The following WWOX variants were observed in gnomAD, a reference collection of about 807,000 sequenced individuals.
The protein encoded by WWOX is WW domain containing oxidoreductase, also known as WW domain-containing oxidoreductase.
A neutral mutation model predicts 46.2 loss-of-function variants in WWOX; 69 were observed. That is an observed-to-expected ratio of 1.49 (90% confidence interval 1.23 to 1.82). The LOEUF (loss-of-function observed/expected upper bound fraction) is 1.82. WWOX is among the 40% of genes most tolerant of loss of function. WWOX has a pLI of 0.00. For synonymous variants in WWOX, 359 were observed against 202.6 expected (o/e 1.77, Z -6.56); for missense variants, 919 against 542.6 (o/e 1.69, Z -6.89).
chr16:79,125,926 T>G (rs918829131), intron 8 of WWOX, among the ~76,000 whole-genome samples: 8 of 152,236 alleles, frequency 5.3e-5, no homozygotes, highest in Non-Finnish European at 1.0e-4. Flanking sequence ...TCCAGGAGAC[T>G]GTCATCTCTG....
chr16:78,851,583 G>C (rs944319663), intron 8 of WWOX, among the ~76,000 whole-genome samples: 2 of 152,204 alleles, frequency 1.3e-5, no homozygotes, highest in Admixed American at 6.5e-5. Context: ...TAGACGGTGA[G>C]GGACTTTATC....
chr16:79,097,634 C>T (rs2049103947), intron 8 of WWOX, among the ~76,000 whole-genome samples: 1 of 152,166 alleles, frequency 6.6e-6, no homozygotes, highest in South Asian at 2.1e-4. Context: ...CAACATCGTA[C>T]TCCAAAGGGG....
chr16:79,113,257 G>A (rs903676708), intron 8 of WWOX, among the ~76,000 whole-genome samples: 5 of 152,330 alleles, frequency 3.3e-5, no homozygotes, highest in Admixed American at 6.5e-5. Context: ...CCCAGGGTGC[G>A]TTAGGGAGCA....
In WWOX at chr16:78,784,503, C is replaced by T. The variant is rs7185302; in HGVS notation, c.1056+351751C>T. On this transcript the variant is annotated intron_variant, in intron 8 of 8. Coordinates refer to ENST00000566780, the MANE Select transcript of WWOX (RefSeq NM_016373.4). ...TAAGAGTACAGTCTCTGGAGCTAGG[C>T]TTGTGACTTTGAACAAATTATTTTA... 9.1e-3 allele frequency among the ~76,000 whole-genome samples: 1,384 copies of T among 152,116 alleles called. 12 individuals carry two copies. The highest frequency in any genetic ancestry group is 0.014 in the Middle Eastern group (4 of 294).
intron 8 of WWOX, among the ~76,000 whole-genome samples, chr16:78,875,207 A>C (rs891149459): frequency 1.7e-4 from 26 of 152,144 alleles, no homozygotes; most frequent in African/African-American, 5.8e-4. Flanking sequence ...TCTGAGGAAG[A>C]GCCAGCTCAA....
chr16:78,349,993 C>A (rs1264823084), intron 5 of WWOX, among the ~76,000 whole-genome samples: 1 of 121,444 alleles, frequency 8.2e-6, no homozygotes. Flanking sequence ...TTTGTACACT[C>A]TTAAGCCAAA....
chr16:78,229,505 T>TAG (rs1491195991), intron 5 of WWOX, among the ~76,000 whole-genome samples: 1 of 98,108 alleles, frequency 1.0e-5, no homozygotes, highest in African/African-American at 3.4e-5. Context: ...TTTATCTATA[T>TAG]CTATATAGAG....
chr16:78,502,975 C>A (rs960882128), intron 8 of WWOX, among the ~76,000 whole-genome samples: 1 of 152,202 alleles, frequency 6.6e-6, no homozygotes, highest in African/African-American at 2.4e-5. Flanking sequence ...GTGCTGCGAT[C>A]TTTGATTACT....
chr16:79,074,366 T>G (rs28609070), intron 8 of WWOX, among the ~76,000 whole-genome samples: 34,311 of 146,182 alleles, frequency 0.23, 4,708 homozygotes, highest in African/African-American at 0.38. Context: ...ACCACCGTTG[T>G]CACTCAAAGC....
At chr16:78,366,868 G>C (rs4888794) in intron 5 of WWOX, among the ~76,000 whole-genome samples, 140,080 of 151,896 alleles carry the variant, frequency 0.92, 64,919 homozygotes, top group African/African-American at 0.98. Flanking sequence ...CCTATCATAC[G>C]TGACTCAGTT....
At chr16:79,032,033 C>A (rs1183804039) in intron 8 of WWOX, among the ~76,000 whole-genome samples, 1 of 144,596 alleles carries the variant, frequency 6.9e-6, no homozygotes, top group Non-Finnish European at 1.5e-5. Context: ...GGACATTCTA[C>A]ACAGCTCCTG....
rs550729461 is a variant in WWOX, at chr16:78,457,301, C to T, written c.1056+24549C>T. On this transcript the variant is annotated intron_variant, in intron 8 of 8. Coordinates refer to ENST00000566780, the MANE Select transcript of WWOX (RefSeq NM_016373.4). ...TTCCATTGCACGACTTTAAATAAAG[C>T]AGCAAGAAGTCTTTTCATTCAGTTC... Among the ~76,000 whole-genome samples, 8 of 152,266 alleles carry T rather than the reference C, an allele frequency of 5.3e-5. No individual in the cohort carries two copies. The South Asian group carries it at 1.7e-3, about 32-fold the overall frequency.
chr16:78,669,528 G>C (rs969114650), intron 8 of WWOX, among the ~76,000 whole-genome samples: 2 of 152,212 alleles, frequency 1.3e-5, no homozygotes, highest in African/African-American at 2.4e-5. Context: ...CCATAGGACA[G>C]TACCTACCAC....
intron 8 of WWOX, among the ~76,000 whole-genome samples, chr16:78,819,721 A>G (rs1126343): frequency 0.32 from 48,867 of 152,118 alleles, 8,109 homozygotes; most frequent in Middle Eastern, 0.47. Context: ...CTAAGCCGCA[A>G]TTCTGGGGTT....
rs552327891 is a variant in WWOX, at chr16:78,969,270, T to A, written c.1057-242338T>A. On this transcript the variant is annotated intron_variant, in intron 8 of 8. Transcript: ENST00000566780. ...CCACCCTGCTCTCTCTCTCTCTCTCTTTTTTTTTTTTTCTTTTTGAGGAAG... is the reference window on the plus strand; with the variant it reads ...CCACCCTGCTCTCTCTCTCTCTCTCATTTTTTTTTTTTCTTTTTGAGGAAG... Among the ~76,000 whole-genome samples the A allele has an allele frequency of 1.5e-3, 92 of 60,254 alleles. 1 individual carries two copies. Among genetic ancestry groups the A allele is most frequent in the African/African-American group, 4.3e-3 (88 of 20,660 alleles). The allele number at this position is 60,254 out of a possible 152,430, so 39.5% of individuals were successfully genotyped here. A position where few individuals can be genotyped will look rare whatever the true frequency, so the allele number is the denominator to read the frequency against.
intron 6 of WWOX, among the ~76,000 whole-genome samples, chr16:78,405,761 C>G (rs1044996782): frequency 6.6e-6 from 1 of 152,126 alleles, no homozygotes; most frequent in Admixed American, 6.5e-5. Context: ...TTCTCTAATT[C>G]TTGTGGCTGT....
At chr16:79,084,328 C>T (rs546836661) in intron 8 of WWOX, among the ~76,000 whole-genome samples, 1 of 152,246 alleles carries the variant, frequency 6.6e-6, no homozygotes, top group East Asian at 1.9e-4. Flanking sequence ...CAATAAATCA[C>T]ACCAAAAATA....
In WWOX at chr16:78,846,919, C is replaced by T. The variant is rs538609622; in HGVS notation, c.1057-364689C>T. ...TTCTCCATTTATATTGGTATGGATA[C>T]GTGAATATTTAGTTTATTCTGTAGG... is the stretch of plus-strand genomic sequence containing the variant. On this transcript the variant is annotated intron_variant, in intron 8 of 8. Coordinates refer to ENST00000566780, the MANE Select transcript of WWOX (RefSeq NM_016373.4). Among the ~76,000 whole-genome samples, 4 of 152,234 alleles carry T rather than the reference C, an allele frequency of 2.6e-5. No homozygotes were observed. In the South Asian group the frequency reaches 8.3e-4, roughly 32 times the overall value.
intron 8 of WWOX, among the ~76,000 whole-genome samples, chr16:78,833,444 C>T (rs2051888202): frequency 6.6e-6 from 1 of 152,048 alleles, no homozygotes; most frequent in African/African-American, 2.4e-5. Flanking sequence ...CCTCCTCCTC[C>T]TCCTCCTGCT....
Sources: gnomAD v4.1 joint callset for allele counts (sites outside exome capture counted in the v4.1 genomes callset) on GRCh38, gnomAD v4.1.1 for gene constraint, MANE v1.5 for transcripts, NCBI Gene and HGNC (gene_info 2026-07-23, HGNC 2026-07-21) for gene names.